The following PAPPA variants were observed in gnomAD, a reference collection of about 807,000 sequenced individuals.
The protein encoded by PAPPA is pappalysin 1, also known as pappalysin-1.
In PAPPA, 60 loss-of-function variants were observed where a neutral mutation model predicts 164.0. The ratio of observed to expected loss-of-function variants is 0.37; its 90% CI spans 0.30 to 0.45. The LOEUF (loss-of-function observed/expected upper bound fraction) is 0.45. Ranked by LOEUF, PAPPA falls within the 20% of genes least tolerant of loss-of-function variation. PAPPA has a pLI of 1.00. For synonymous variants in PAPPA, 875 were observed against 814.1 expected (o/e 1.07, Z -1.27); for missense variants, 1,782 against 2,087.3 (o/e 0.85, Z 2.85).
chr9:116,195,732 T>G (rs1844096436), intron 2 of PAPPA, among the ~76,000 whole-genome samples: 1 of 152,212 alleles, frequency 6.6e-6, no homozygotes, highest in African/African-American at 2.4e-5. Context: ...TCTTCTCGCT[T>G]CTTATTGTGC....
rs749298164 is a variant in PAPPA at position 116,211,832 on chromosome 9, C to G, written c.1818C>G (p.Ala606=). The change falls in exon 4 of 22, where the codon GCC becomes GCG. Residue 606 remains alanine (A), a synonymous_variant. Transcript: ENST00000328252. ...TGDLCNDTNP[A]PKHKSCGDPG... ...ACCTCTGCAATGATACCAACCCAGC[C>G]CCTAAACACAAGTCCTGTGGTGACC... 9.9e-6 allele frequency: 16 copies of G among 1,614,084 alleles called. No individual in the cohort carries two copies. Among genetic ancestry groups the G allele is most frequent in the Non-Finnish European group, 1.3e-5 (15 of 1,179,978 alleles).
intron 2 of PAPPA, among the ~76,000 whole-genome samples, chr9:116,200,685 A>T (rs1844162251): frequency 6.6e-6 from 1 of 152,204 alleles, no homozygotes; most frequent in African/African-American, 2.4e-5. Flanking sequence ...ATACCTTGAT[A>T]ATGAAAATCA....
intron 10 of PAPPA, among the ~76,000 whole-genome samples, chr9:116,303,668 T>C (rs952700045): frequency 2.3e-4 from 35 of 152,168 alleles, no homozygotes; most frequent in African/African-American, 8.2e-4. Context: ...ACTCAGTGCT[T>C]CTGGCTGCCT....
intron 12 of PAPPA, among the ~76,000 whole-genome samples, chr9:116,334,180 T>G (rs1846029066): frequency 6.6e-6 from 1 of 150,856 alleles, no homozygotes; most frequent in South Asian, 2.1e-4. Context: ...CCCTTGTGTA[T>G]CTTTTCTCCC....
In PAPPA at chr9:116,352,820, C is replaced by T; in HGVS notation, c.4079C>T (p.Ala1360Val). The T allele has an allele frequency of 1.2e-6, 2 of 1,613,914 alleles. No individual in the cohort carries two copies. Among genetic ancestry groups the T allele is most frequent in the Non-Finnish European group, 1.7e-6 (2 of 1,179,900 alleles). Residue 1360 changes from alanine (A) to valine (V), a missense_variant, in exon 16 of 22, where the codon GCC becomes GTC. Ala to Val is a moderately conservative substitution (Grantham distance 64). Around this residue, in one of 2 missense-constraint regions of PAPPA, gnomAD observed 1,324 missense variants for 1,656.9 expected, o/e 0.80. Transcript: ENST00000328252. Reference sequence around the variant, plus strand: ...GTGCCCAATGCAGACCTCCAGACCGCCCGGTGCCGAGAGAATAAGCACAAG... The same window carrying T: ...GTGCCCAATGCAGACCTCCAGACCGTCCGGTGCCGAGAGAATAAGCACAAG... ...PPVPNADLQTARCRENKHKVG... is the reference protein window; with the variant it reads ...PPVPNADLQTVRCRENKHKVG...
intron 10 of PAPPA, among the ~76,000 whole-genome samples, chr9:116,322,525 T>C (rs893087975): frequency 6.6e-6 from 1 of 151,578 alleles, no homozygotes; most frequent in Admixed American, 6.6e-5. Context: ...ATGGAGGAGG[T>C]TTTATTTCAC....
intron 1 of PAPPA, among the ~76,000 whole-genome samples, chr9:116,164,696 AG>A (rs1252414032): frequency 6.6e-6 from 1 of 152,192 alleles, no homozygotes; most frequent in African/African-American, 2.4e-5. Context: ...TGAATCTGAA[AG>A]GTGGCTCGGC....
At chr9:116,353,225 G>A (rs1846307618) in intron 16 of PAPPA, among the ~76,000 whole-genome samples, 2 of 152,060 alleles carry the variant, frequency 1.3e-5, no homozygotes, top group Non-Finnish European at 2.9e-5. Context: ...ACGTAAGGTT[G>A]TTATGAAGAA....
At chr9:116,332,249 C>A in intron 11 of PAPPA, 84 bp from the exon 12 acceptor site, 1 of 1,228,788 alleles carries the variant, frequency 8.1e-7, no homozygotes, top group Non-Finnish European at 1.2e-6. Context: ...AAGGAAGTTT[C>A]TCCTCAAATG....
At chr9:116,284,545 CTTTTTTTTT>C (rs61248033) in intron 9 of PAPPA, among the ~76,000 whole-genome samples, 914 of 88,296 alleles carry the variant, frequency 0.01, 9 homozygotes, top group African/African-American at 0.038. Flanking sequence ...TAGTCTGGGC[CTTTTTTTTT>C]TTTTTTTTTT....
At chr9:116,373,582 A>G (rs368852686) in intron 19 of PAPPA, 1 of 151,980 alleles carries the variant, frequency 6.6e-6, no homozygotes, top group Non-Finnish European at 1.5e-5. Flanking sequence ...GCTTTCTCAC[A>G]TGTCTTTGGC....
At chr9:116,177,914 C>G (rs1843856115) in intron 1 of PAPPA, among the ~76,000 whole-genome samples, 1 of 152,078 alleles carries the variant, frequency 6.6e-6, no homozygotes. Flanking sequence ...CACTTCCTTT[C>G]TTACGTTGAT....
At chr9:116,165,521 T>C (rs1843711004) in intron 1 of PAPPA, among the ~76,000 whole-genome samples, 1 of 152,208 alleles carries the variant, frequency 6.6e-6, no homozygotes, top group Non-Finnish European at 1.5e-5. Context: ...CTTTATTTCT[T>C]GCTGTGACTA....
At chr9:116,167,622 C>T (rs1052090095) in intron 1 of PAPPA, among the ~76,000 whole-genome samples, 1 of 152,124 alleles carries the variant, frequency 6.6e-6, no homozygotes, top group African/African-American at 2.4e-5. Context: ...TCAGGCAAAT[C>T]TTGGAATTAT....
intron 9 of PAPPA, among the ~76,000 whole-genome samples, chr9:116,298,556 G>A (rs1240165432): frequency 1.3e-5 from 2 of 152,170 alleles, no homozygotes; most frequent in African/African-American, 4.8e-5. Context: ...TCACCACCTG[G>A]CTTACAGCTC....
At chr9:116,323,079 G>A (rs974751114) in intron 10 of PAPPA, among the ~76,000 whole-genome samples, 4 of 152,076 alleles carry the variant, frequency 2.6e-5, no homozygotes, top group South Asian at 2.1e-4. Context: ...CAGAGCCCCC[G>A]CTCCCCCTCT....
At chr9:116,375,932 T>TTTTA (rs1224609521) in intron 19 of PAPPA, among the ~76,000 whole-genome samples, 3 of 152,234 alleles carry the variant, frequency 2.0e-5, no homozygotes, top group Non-Finnish European at 4.4e-5. Context: ...TACCATTTTA[T>TTTTA]TTTATTTCAT....
At chr9:116,248,516 G>A (rs182274708) in intron 7 of PAPPA, among the ~76,000 whole-genome samples, 2 of 152,290 alleles carry the variant, frequency 1.3e-5, no homozygotes, top group East Asian at 3.9e-4. Flanking sequence ...TTTGAGTTTG[G>A]GGGCTGGCCA....
chr9:116,389,848 C>T (rs1242999374), intron 21 of PAPPA, among the ~76,000 whole-genome samples: 2 of 151,872 alleles, frequency 1.3e-5, no homozygotes, highest in African/African-American at 4.8e-5. Flanking sequence ...ATACTTATCA[C>T]CCTGGCACAC....
Sources: allele counts gnomAD v4.1 joint callset (sites outside exome capture counted in the v4.1 genomes callset), GRCh38; gene constraint gnomAD v4.1.1; regional missense constraint gnomAD v4.1.1; transcripts MANE v1.5; gene names NCBI Gene and HGNC (gene_info 2026-07-23, HGNC 2026-07-21).